Variants in SLC12A1 observed in about 807,000 individuals in gnomAD.
The protein encoded by SLC12A1 is solute carrier family 12 member 1, also known as Na-K-2Cl cotransporter.
A neutral mutation model predicts 130.4 loss-of-function variants in SLC12A1; 89 were observed. That is an observed-to-expected ratio of 0.68 (90% CI 0.58 to 0.81). The LOEUF (loss-of-function observed/expected upper bound fraction) is 0.81, where lower values mean the gene tolerates loss of function less well. Among genes scored for constraint, SLC12A1 ranks in the 40% least tolerant of loss-of-function variants. The pLI, the probability that SLC12A1 is intolerant of heterozygous loss-of-function variation, is 0.00. For synonymous variants in SLC12A1, 499 were observed against 460.0 expected (o/e 1.08, Z -1.09); for missense variants, 1,310 against 1,336.4 (o/e 0.98, Z 0.31).
intron 9 of SLC12A1, chr15:48,236,952 T>C (rs199949265): frequency 1.5e-6 from 1 of 686,860 alleles, no homozygotes; most frequent in Non-Finnish European, 2.6e-6. Flanking sequence ...TCAGTTCCGC[T>C]TAGCTGGCCC....
intron 16 of SLC12A1, among the ~76,000 whole-genome samples, chr15:48,258,769 G>A (rs2041737872): frequency 6.6e-6 from 1 of 152,172 alleles, no homozygotes; most frequent in South Asian, 2.1e-4. Context: ...AAGAAAAAGA[G>A]ATTTAATAGA....
intron 4 of SLC12A1, chr15:48,226,025 C>G (rs1190044269): frequency 2.9e-6 from 1 of 346,574 alleles, no homozygotes; most frequent in Non-Finnish European, 4.1e-6. Context: ...ACTGACCTTT[C>G]TGGAGTGTTT....
rs963653374 is a variant in SLC12A1, at chr15:48,301,511, G to GA, written c.3164+131dup. 13 of 478,162 alleles carry GA rather than the reference G, an allele frequency of 2.7e-5. 3 individuals carry two copies. The highest frequency in any genetic ancestry group is 1.3e-4 in the African/African-American group (6 of 44,712). The allele number at this position is 478,162 out of a possible 1,614,324, so 29.6% of individuals were successfully genotyped here. Reference sequence around the variant, plus strand: ...GTTTTTGTGTTTTTTTTGGGGGGGGGAACACGTGGGATTCTTAGACAGTGA... The same window carrying GA: ...GTTTTTGTGTTTTTTTTGGGGGGGGGAAACACGTGGGATTCTTAGACAGTGA... On this transcript the variant is annotated intron_variant, in intron 26 of 26. Coordinates refer to ENST00000380993, the MANE Select transcript of SLC12A1 (RefSeq NM_000338.3).
chr15:48,248,276 G>A (rs745306289), intron 13 of SLC12A1, among the ~76,000 whole-genome samples: 1 of 152,168 alleles, frequency 6.6e-6, no homozygotes, highest in Non-Finnish European at 1.5e-5. Flanking sequence ...CATAGCATTT[G>A]TATGAGGCTG....
At chr15:48,259,156 G>T (rs765394251) in intron 16 of SLC12A1, 44 bp from the exon 17 acceptor site, 24 of 1,270,126 alleles carry the variant, frequency 1.9e-5, no homozygotes, top group Non-Finnish European at 2.8e-5. Flanking sequence ...AAGGTTACAG[G>T]CTTCTTGCAG....
At chr15:48,227,482 C>G in intron 5 of SLC12A1, 1 of 355,084 alleles carries the variant, frequency 2.8e-6, no homozygotes, top group South Asian at 2.8e-5. Flanking sequence ...CCCACTGGCT[C>G]TCTCGCAGGT....
intron 2 of SLC12A1, among the ~76,000 whole-genome samples, chr15:48,217,390 A>G (rs2041136882): frequency 6.6e-6 from 1 of 152,142 alleles, no homozygotes; most frequent in Admixed American, 6.6e-5. Context: ...TTTCTGCCCC[A>G]CTATGTTAGC....
chr15:48,220,905 C>T lies in SLC12A1; in HGVS notation c.553-16C>T. ...TCGTTTGTCCTGTCTCCTTTCAATA[C>T]CGCTTCTATCCACAGGTAAGATGCA... is the stretch of plus-strand genomic sequence containing the variant. On this transcript the variant is annotated splice_polypyrimidine_tract_variant and intron_variant, in intron 3 of 26. Transcript: ENST00000380993. The T allele has an allele frequency of 1.9e-6, 3 of 1,613,392 alleles. No homozygotes were observed. The highest frequency in any genetic ancestry group is 2.5e-6 in the Non-Finnish European group (3 of 1,179,342).
chr15:48,301,513 A>C (rs945395153), intron 26 of SLC12A1, 131 bp downstream of exon 26: 6 of 502,808 alleles, frequency 1.2e-5, no homozygotes, highest in African/African-American at 1.0e-4. Flanking sequence ...GGGGGGGGGA[A>C]CACGTGGGAT....
In SLC12A1 at chr15:48,247,276, C is replaced by T. The variant is rs1196588558; in HGVS notation, c.1561-61C>T. ...TCCCCAAATCTTCTTGTTTGAATCA[C>T]CTAGAGAAAATGACTGTGCATAGCT... On this transcript the variant is annotated intron_variant, in intron 12 of 26. Transcript: ENST00000380993. 3 of 1,539,818 alleles carry T rather than the reference C, an allele frequency of 1.9e-6. No individual in the cohort carries two copies. In the East Asian group the frequency reaches 6.8e-5, roughly 35 times the overall value.
chr15:48,250,577 G>C (rs1209990746), intron 14 of SLC12A1, among the ~76,000 whole-genome samples: 1 of 151,806 alleles, frequency 6.6e-6, no homozygotes, highest in African/African-American at 2.4e-5. Context: ...CCAGGGAAAA[G>C]AGTAAAAAAG....
chr15:48,265,946 TTCAATATAGAA>T (rs1281972472), intron 17 of SLC12A1, among the ~76,000 whole-genome samples: 1 of 152,220 alleles, frequency 6.6e-6, no homozygotes, highest in Non-Finnish European at 1.5e-5. Context: ...ATATTGTAAT[TTCAATATAGAA>T]TCAATACAGA....
At chr15:48,253,111 C>T (rs1020316990) in intron 15 of SLC12A1, among the ~76,000 whole-genome samples, 2 of 152,200 alleles carry the variant, frequency 1.3e-5, no homozygotes, top group Admixed American at 1.3e-4. Context: ...ATTCTCCTTT[C>T]CCTTACTCTG....
chr15:48,240,050 CATATATATATATATATATATCCAT>C lies in SLC12A1; in HGVS notation c.1216-1448_1216-1425del, dbSNP rs1294593220. 3.3e-3 allele frequency among the ~76,000 whole-genome samples: 21 copies of C among 6,420 alleles called. 2 individuals carry two copies. Among genetic ancestry groups the C allele is most frequent in the East Asian group, 0.024 (19 of 788 alleles). The allele number at this position is 6,420 out of a possible 152,430, so 4.2% of individuals were successfully genotyped here. ...ATATCCATATATATATATATATATCCATATATATATATATATATATCCATATATATATATATATATCCATATATA... is the reference window on the plus strand; with the variant it reads ...ATATCCATATATATATATATATATCCATATATATATATATATCCATATATA... On this transcript the variant is annotated intron_variant, in intron 9 of 26. Transcript: ENST00000380993.
rs145353434 is a variant in SLC12A1 at position 48,276,644 on chromosome 15, T to G, written c.2485+1991T>G. 4.8e-3 allele frequency among the ~76,000 whole-genome samples: 735 copies of G among 152,194 alleles called. 8 individuals carry two copies. Among genetic ancestry groups the G allele is most frequent in the Middle Eastern group, 0.044 (13 of 294 alleles). On this transcript the variant is annotated intron_variant, in intron 20 of 26. Transcript: ENST00000380993. ...CCTCCAGAATTGTGAGGAAATAAAT[T>G]TTTATTGCTTATGACACCCTGTCTG... is the stretch of plus-strand genomic sequence containing the variant.
At chr15:48,266,939 G>A (rs975869184) in intron 17 of SLC12A1, among the ~76,000 whole-genome samples, 2 of 152,112 alleles carry the variant, frequency 1.3e-5, no homozygotes, top group African/African-American at 4.8e-5. Context: ...TAGGTCATAG[G>A]TACGTAAACC....
intron 19 of SLC12A1, among the ~76,000 whole-genome samples, chr15:48,273,668 T>C (rs1417874893): frequency 6.6e-6 from 1 of 152,202 alleles, no homozygotes; most frequent in Non-Finnish European, 1.5e-5. Context: ...AAAGATTACT[T>C]ATGGTTTGGA....
intron 24 of SLC12A1, among the ~76,000 whole-genome samples, chr15:48,294,068 A>G (rs2042147991): frequency 6.7e-6 from 1 of 149,634 alleles, no homozygotes; most frequent in Admixed American, 6.6e-5. Flanking sequence ...AAGAAAAAGG[A>G]GCCAAGCACT....
chr15:48,255,196 C>CT (rs1284281281), intron 15 of SLC12A1, among the ~76,000 whole-genome samples: 1 of 152,128 alleles, frequency 6.6e-6, no homozygotes, highest in Non-Finnish European at 1.5e-5. Flanking sequence ...TCCCAGCACT[C>CT]TGAGAGACCG....
Sources: allele counts gnomAD v4.1 joint callset (sites outside exome capture counted in the v4.1 genomes callset), GRCh38; gene constraint gnomAD v4.1.1; transcripts MANE v1.5; gene names NCBI Gene and HGNC (gene_info 2026-07-23, HGNC 2026-07-21).